The following UBN2 variants were observed in gnomAD, a reference collection of about 807,000 sequenced individuals.
UBN2 encodes the protein ubinuclein 2.
UBN2 carries 35 observed loss-of-function variants against 120.2 expected under a neutral mutation model. The observed-to-expected ratio is 0.29, with a 90% CI of 0.22 to 0.39. The LOEUF is 0.39. Ranked by LOEUF, UBN2 falls within the 10% of genes least tolerant of loss-of-function variation. The pLI, the probability that UBN2 is intolerant of heterozygous loss-of-function variation, is 1.00. For missense variants in UBN2, 1,693 were observed against 1,663.2 expected, an observed-to-expected ratio of 1.02 and a Z score of -0.31; for synonymous variants, 661 against 648.7, an observed-to-expected ratio of 1.02 and a Z score of -0.29.
chr7:139,271,280 CAAA>C (rs1345113055), intron 8 of UBN2, among the ~76,000 whole-genome samples: 1 of 151,790 alleles, frequency 6.6e-6, no homozygotes. Context: ...TTTTCTTTAC[CAAA>C]AATCACATTT....
intron 17 of UBN2, among the ~76,000 whole-genome samples, chr7:139,294,643 C>A (rs1023992894): frequency 6.6e-6 from 1 of 152,164 alleles, no homozygotes; most frequent in Non-Finnish European, 1.5e-5. Flanking sequence ...GAGTTTGAGA[C>A]CAGCCTGGCC....
chr7:139,284,179 T>A lies in UBN2; in HGVS notation c.3274T>A (p.Ser1092Thr). 1.2e-6 allele frequency: 2 copies of A among 1,614,126 alleles called. No individual in the cohort carries two copies. Among genetic ancestry groups the A allele is most frequent in the Non-Finnish European group, 1.7e-6 (2 of 1,180,014 alleles). Residue 1092 changes from serine to threonine, a missense_variant, in exon 15 of 18, where the codon TCC (serine) becomes ACC (threonine). Physicochemically the swap from Ser to Thr is moderately conservative, Grantham distance 58. Coordinates refer to ENST00000473989, the MANE Select transcript of UBN2 (RefSeq NM_173569.4). ...TPKPTVSPSS[S>T]SPNALVAQGS... The stretch of plus-strand genomic sequence containing the variant: ...CAAGCCTACTGTATCCCCAAGTAGT[T>A]CCAGTCCAAATGCACTAGTTGCCCA...
At chr7:139,316,018 A>T in the UBN2 span, among the ~76,000 whole-genome samples, 1 of 135,638 alleles carries the variant, frequency 7.4e-6, no homozygotes, top group Non-Finnish European at 1.5e-5. Flanking sequence ...CAGAGGTTGC[A>T]GTGAGCTGAG....
intron 3 of UBN2, 70 bp downstream of exon 3, chr7:139,252,127 G>A (rs1260229292): frequency 1.5e-6 from 2 of 1,315,700 alleles, no homozygotes; most frequent in Non-Finnish European, 2.2e-6. Flanking sequence ...CAAGGGTAAA[G>A]TAACTTAAAT....
At chr7:139,284,958 C>T (rs76516569) in intron 15 of UBN2, among the ~76,000 whole-genome samples, 1,601 of 152,270 alleles carry the variant, frequency 0.011, 24 homozygotes, top group African/African-American at 0.036. Context: ...AGGAATTTAA[C>T]GAACATTCGC....
chr7:139,239,968 C>T (rs1309602699), intron 2 of UBN2, among the ~76,000 whole-genome samples: 2 of 152,166 alleles, frequency 1.3e-5, no homozygotes, highest in African/African-American at 4.8e-5. Flanking sequence ...GTATATGACG[C>T]ACTACCTTAA....
Position 139,231,539 on chromosome 7 carries a change from G to C in UBN2, c.55G>C (p.Glu19Gln), listed in dbSNP as rs746690007. The C allele has an allele frequency of 2.1e-6, 3 of 1,425,314 alleles. No homozygotes were observed. Among genetic ancestry groups the C allele is most frequent in the Non-Finnish European group, 1.8e-6 (2 of 1,081,464 alleles). The allele number at this position is 1,425,314 out of a possible 1,614,324, so 88.3% of individuals were successfully genotyped here. A position where few individuals can be genotyped will look rare whatever the true frequency, so the allele number is the denominator to read the frequency against. Residue 19 changes from glutamate (E) to glutamine (Q), a missense_variant, in exon 1 of 18, where the codon GAG (glutamate) becomes CAG (glutamine). This residue lies in a region of UBN2 where 663 missense variants were observed against 591.2 expected (regional missense o/e 1.12). Coordinates refer to ENST00000473989, the MANE Select transcript of UBN2 (RefSeq NM_173569.4). ...FISLSPVRRR[E>Q]AEYPGPEREP... Reference sequence around the variant, plus strand: ...TAGCTTGTCACCGGTGCGGCGGCGCGAGGCCGAGTACCCGGGGCCCGAGCG... The same window carrying C: ...TAGCTTGTCACCGGTGCGGCGGCGCCAGGCCGAGTACCCGGGGCCCGAGCG...
chr7:139,281,286 G>GT (rs1056694096), intron 13 of UBN2, among the ~76,000 whole-genome samples: 20 of 151,998 alleles, frequency 1.3e-4, no homozygotes, highest in African/African-American at 4.8e-4. Context: ...TGTTAATGTG[G>GT]TTTTTTTCTA....
rs1340889932 is a variant in UBN2 at position 139,279,327 on chromosome 7, A to G, written c.2034A>G (p.Lys678=). 6.2e-7 allele frequency: 1 copy of G among 1,609,470 alleles called. No individual in the cohort carries two copies. Among genetic ancestry groups the G allele is most frequent in the Non-Finnish European group, 8.5e-7 (1 of 1,178,430 alleles). ...HNHLTSAPAK[K]KVIPAPKPKV... Reference sequence around the variant, plus strand: ...AATCTTTTTATCTTAGGGCAAAGAAAAAGGTGATTCCTGCACCTAAACCCA... The same window carrying G: ...AATCTTTTTATCTTAGGGCAAAGAAGAAGGTGATTCCTGCACCTAAACCCA... Residue 678 remains lysine, a synonymous_variant, in exon 13 of 18, where the codon AAA becomes AAG. Transcript: ENST00000473989.
rs1408350013 is a variant in UBN2, at chr7:139,307,905, A to G, written c.*10069A>G. 2 of 152,270 alleles carry G rather than the reference A, an allele frequency of 1.3e-5. No individual in the cohort carries two copies. The highest frequency in any genetic ancestry group is 2.4e-5 in the African/African-American group (1 of 41,550). The allele number at this position is 152,270 out of a possible 1,614,324, so 9.4% of individuals were successfully genotyped here. A position where few individuals can be genotyped will look rare whatever the true frequency, so the allele number is the denominator to read the frequency against. ...TTTTTTAACCAAAAAAAAATCACACATTTCATAAAACCCTGATGAATTTTG... is the reference window on the plus strand; with the variant it reads ...TTTTTTAACCAAAAAAAAATCACACGTTTCATAAAACCCTGATGAATTTTG... On this transcript the variant is annotated 3_prime_UTR_variant, in exon 18 of 18. Coordinates refer to ENST00000473989, the MANE Select transcript of UBN2 (RefSeq NM_173569.4).
In UBN2 at chr7:139,283,971, C is replaced by G; in HGVS notation, c.3066C>G (p.Ile1022Met). ...NYLAKAMVSQ[I>M]STQGFKSPFS... The stretch of plus-strand genomic sequence containing the variant: ...TAGCCAAGGCTATGGTGTCACAGAT[C>G]TCCACGCAGGGTTTCAAATCTCCCT... Residue 1022 changes from isoleucine (I) to methionine (M), a missense_variant, in exon 15 of 18, where the codon ATC becomes ATG. Coordinates refer to ENST00000473989, the MANE Select transcript of UBN2 (RefSeq NM_173569.4). 1.9e-6 allele frequency: 3 copies of G among 1,614,120 alleles called. No individual in the cohort carries two copies. Among genetic ancestry groups the G allele is most frequent in the Non-Finnish European group, 2.5e-6 (3 of 1,180,014 alleles).
chr7:139,242,134 G>T (rs1447074796), intron 2 of UBN2, among the ~76,000 whole-genome samples: 2 of 152,034 alleles, frequency 1.3e-5, no homozygotes, highest in African/African-American at 4.8e-5. Flanking sequence ...AATACTACTC[G>T]GCTAAGTGGA....
chr7:139,258,060 G>A (rs541690692), intron 3 of UBN2, among the ~76,000 whole-genome samples: 96 of 152,342 alleles, frequency 6.3e-4, no homozygotes, highest in Non-Finnish European at 1.2e-3. Flanking sequence ...GTGAGCCACC[G>A]CACCCAGCCA....
chr7:139,273,826 A>C, intron 10 of UBN2, 105 bp from the exon 11 acceptor site: 1 of 982,430 alleles, frequency 1.0e-6, no homozygotes, highest in Non-Finnish European at 1.4e-6. Context: ...GATATATGTT[A>C]GAAATTGTTT....
rs1377944940 is a variant in UBN2 at position 139,301,926 on chromosome 7, G to A, written c.*4090G>A. The A allele has an allele frequency of 6.6e-6, 1 of 152,040 alleles. No individual in the cohort carries two copies. Among genetic ancestry groups the A allele is most frequent in the East Asian group, 1.9e-4 (1 of 5,178 alleles). The allele number at this position is 152,040 out of a possible 1,614,324, so 9.4% of individuals were successfully genotyped here. ...TGTAATAATGAAGCAGAAGAAAAGTGCAGTAGTAGATAAATGATCACAACA... is the reference window on the plus strand; with the variant it reads ...TGTAATAATGAAGCAGAAGAAAAGTACAGTAGTAGATAAATGATCACAACA... On this transcript the variant is annotated 3_prime_UTR_variant, in exon 18 of 18. Coordinates refer to ENST00000473989, the MANE Select transcript of UBN2 (RefSeq NM_173569.4).
At chr7:139,266,485 G>A in intron 7 of UBN2, 82 bp downstream of exon 7, 1 of 735,944 alleles carries the variant, frequency 1.4e-6, no homozygotes, top group Non-Finnish European at 2.2e-6. Context: ...CTGAGTGGTT[G>A]GCAAGTCTTG....
chr7:139,255,397 A>C (rs894420993), intron 3 of UBN2, among the ~76,000 whole-genome samples: 2 of 152,116 alleles, frequency 1.3e-5, no homozygotes, highest in Non-Finnish European at 2.9e-5. Flanking sequence ...TTGTGTGTGT[A>C]TGTGTGTGCT....
In UBN2 at chr7:139,306,064, A is replaced by G. The variant is rs1047129661; in HGVS notation, c.*8228A>G. On this transcript the variant is annotated 3_prime_UTR_variant, in exon 18 of 18. Transcript: ENST00000473989. ...AAATCTGTGTTTTAAATATTTTATAACAGAGCACTAATGGAAACCTAATAA... is the reference window on the plus strand; with the variant it reads ...AAATCTGTGTTTTAAATATTTTATAGCAGAGCACTAATGGAAACCTAATAA... 6.6e-6 allele frequency: 1 copy of G among 152,220 alleles called. No individual in the cohort carries two copies. The highest frequency in any genetic ancestry group is 2.4e-5 in the African/African-American group (1 of 41,446). The allele number at this position is 152,220 out of a possible 1,614,324, so 9.4% of individuals were successfully genotyped here. A position where few individuals can be genotyped will look rare whatever the true frequency, so the allele number is the denominator to read the frequency against.
the UBN2 span, among the ~76,000 whole-genome samples, chr7:139,326,688 A>T: frequency 1.3e-5 from 2 of 152,206 alleles, no homozygotes; most frequent in Non-Finnish European, 2.9e-5. Flanking sequence ...TGGGCACATC[A>T]CCCAGGCCAT....
Sources: gnomAD v4.1 joint callset for allele counts (sites outside exome capture counted in the v4.1 genomes callset) on GRCh38, gnomAD v4.1.1 for gene constraint, gnomAD v4.1.1 regional missense constraint, MANE v1.5 for transcripts, NCBI Gene and HGNC (gene_info 2026-07-23, HGNC 2026-07-21) for gene names.